The following NTRK2 variants were observed in gnomAD, a reference collection of about 807,000 sequenced individuals.
The protein encoded by NTRK2 is BDNF/NT-3 growth factors receptor.
In NTRK2, 13 loss-of-function variants were observed where a neutral mutation model predicts 94.5. That is an observed-to-expected ratio of 0.14 (90% confidence interval 0.09 to 0.22). NTRK2 has a LOEUF of 0.22. Ranked by LOEUF, NTRK2 falls within the 10% of genes least tolerant of loss-of-function variation. The pLI is 1.00. For synonymous variants in NTRK2, 372 were observed against 407.4 expected, an observed-to-expected ratio of 0.91 and a Z score of 1.05; for missense variants, 639 against 1,071.2, an observed-to-expected ratio of 0.60 and a Z score of 5.63.
intron 2 of NTRK2, among the ~76,000 whole-genome samples, chr9:84,683,343 C>T (rs1242011765): frequency 6.6e-6 from 1 of 151,996 alleles, no homozygotes; most frequent in Non-Finnish European, 1.5e-5. Context: ...CCTCCCCTTG[C>T]CCCCCAACCC....
In NTRK2 at chr9:84,742,824, G is replaced by A. The variant is rs145115037; in HGVS notation, c.1195+897G>A. Among the ~76,000 whole-genome samples, 1,026 of 104,410 alleles carry A rather than the reference G, an allele frequency of 9.8e-3. 22 individuals are homozygous for A. Among genetic ancestry groups the A allele is most frequent in the African/African-American group, 0.041 (955 of 23,504 alleles). 68.5% of individuals were successfully genotyped at this position (104,410 alleles called of 152,430 possible). A position where few individuals can be genotyped will look rare whatever the true frequency, so the allele number is the denominator to read the frequency against. On this transcript the variant is annotated intron_variant, in intron 10 of 18. Coordinates refer to ENST00000277120, the MANE Select transcript of NTRK2 (RefSeq NM_006180.6). Reference sequence around the variant, plus strand: ...TTTTTTTTTTTTTTTTTTCCGAGACGGAGTCTCACTTTGTTGCCCAGGCTG... The same window carrying A: ...TTTTTTTTTTTTTTTTTTCCGAGACAGAGTCTCACTTTGTTGCCCAGGCTG...
At chr9:84,805,935 G>C (rs2071059588) in intron 12 of NTRK2, among the ~76,000 whole-genome samples, 1 of 152,222 alleles carries the variant, frequency 6.6e-6, no homozygotes, top group African/African-American at 2.4e-5. Flanking sequence ...ACAAGATACA[G>C]CCCCTTGACC....
intron 12 of NTRK2, chr9:84,812,330 T>C (rs2071898868): frequency 9.4e-7 from 1 of 1,058,366 alleles, no homozygotes; most frequent in Non-Finnish European, 1.1e-6. Flanking sequence ...AGCATTTCAC[T>C]TGGCTACTTC....
intron 9 of NTRK2, among the ~76,000 whole-genome samples, chr9:84,728,779 C>T (rs2062638556): frequency 6.6e-6 from 1 of 152,212 alleles, no homozygotes; most frequent in Admixed American, 6.5e-5. Flanking sequence ...CATCAGGGGT[C>T]TACTCTGGGC....
At chr9:84,927,578 TC>T (rs1451087597) in intron 14 of NTRK2, among the ~76,000 whole-genome samples, 5 of 152,070 alleles carry the variant, frequency 3.3e-5, no homozygotes, top group African/African-American at 9.7e-5. Flanking sequence ...ACAGCTGAAC[TC>T]ATATGCTTTC....
At chr9:84,696,168 C>A (rs994862492) in intron 2 of NTRK2, among the ~76,000 whole-genome samples, 6 of 152,134 alleles carry the variant, frequency 3.9e-5, no homozygotes, top group African/African-American at 1.4e-4. Flanking sequence ...TGCCACCATG[C>A]CCAGCTAATT....
chr9:84,751,370 G>A (rs960319315), intron 11 of NTRK2, among the ~76,000 whole-genome samples: 8 of 152,060 alleles, frequency 5.3e-5, no homozygotes, highest in Admixed American at 1.3e-4. Context: ...CCTTGAGCCC[G>A]GGATTTCAAC....
intron 8 of NTRK2, among the ~76,000 whole-genome samples, chr9:84,726,645 G>C (rs1169927168): frequency 6.6e-6 from 1 of 152,170 alleles, no homozygotes; most frequent in Non-Finnish European, 1.5e-5. Flanking sequence ...TGAGAGGGAA[G>C]GGCCACTGTA....
At chr9:84,919,218 C>A (rs747871619) in intron 14 of NTRK2, among the ~76,000 whole-genome samples, 1 of 152,130 alleles carries the variant, frequency 6.6e-6, no homozygotes. Context: ...CACCTTAGAC[C>A]CTTTTGTGTC....
chr9:84,797,632 TATTATATATACTATA>T (rs1282256233), intron 12 of NTRK2, among the ~76,000 whole-genome samples: 3 of 72,172 alleles, frequency 4.2e-5, no homozygotes, highest in African/African-American at 6.0e-5. Context: ...ATATATTATA[TATTATATATACTATA>T]ATAATATATA....
chr9:84,729,175 T>C (rs772697159), intron 9 of NTRK2, among the ~76,000 whole-genome samples: 5 of 152,218 alleles, frequency 3.3e-5, no homozygotes, highest in Non-Finnish European at 7.3e-5. Context: ...ATGCAGTCCT[T>C]CTCATTACAT....
At chr9:84,864,906 A>C (rs12003660) in intron 13 of NTRK2, among the ~76,000 whole-genome samples, 1,767 of 151,654 alleles carry the variant, frequency 0.012, 35 homozygotes, top group African/African-American at 0.04. Flanking sequence ...ACACCTGGCT[A>C]ATTTTTGGAC....
At chr9:84,776,960 A>G (rs1564247739) in intron 12 of NTRK2, among the ~76,000 whole-genome samples, 1 of 152,218 alleles carries the variant, frequency 6.6e-6, no homozygotes, top group African/African-American at 2.4e-5. Flanking sequence ...CAGAAGTGCT[A>G]GAGAGAACTG....
At chr9:85,006,999 C>T (rs1282735168) in intron 17 of NTRK2, among the ~76,000 whole-genome samples, 1 of 152,212 alleles carries the variant, frequency 6.6e-6, no homozygotes, top group Non-Finnish European at 1.5e-5. Flanking sequence ...TGAGACCATT[C>T]CCTAGGGCAA....
chr9:84,769,618 A>C (rs1196039521), intron 12 of NTRK2, among the ~76,000 whole-genome samples: 1 of 152,210 alleles, frequency 6.6e-6, no homozygotes, highest in Non-Finnish European at 1.5e-5. Flanking sequence ...GAAAGAGCCA[A>C]GGACTTATTG....
Position 84,800,283 on chromosome 9 carries a change from A to G in NTRK2, c.1396+48198A>G, listed in dbSNP as rs117841349. On this transcript the variant is annotated intron_variant, in intron 12 of 18. Transcript: ENST00000277120. Reference sequence around the variant, plus strand: ...AATGGCATGATTTAGGCCCACTGCAACCTGTGCCTCCTGGGTTCAAGTGAT... The same window carrying G: ...AATGGCATGATTTAGGCCCACTGCAGCCTGTGCCTCCTGGGTTCAAGTGAT... 6.7e-3 allele frequency among the ~76,000 whole-genome samples: 1,027 copies of G among 152,218 alleles called. 5 individuals carry two copies. The highest frequency in any genetic ancestry group is 0.012 in the Non-Finnish European group (810 of 67,996).
At chr9:84,692,475 T>C (rs1470305773) in intron 2 of NTRK2, among the ~76,000 whole-genome samples, 30 of 131,544 alleles carry the variant, frequency 2.3e-4, no homozygotes, top group African/African-American at 7.6e-4. Flanking sequence ...TTTCTTTTTT[T>C]TTTTTTTTTT....
At chr9:84,962,626 A>G (rs559859026) in intron 17 of NTRK2, among the ~76,000 whole-genome samples, 1 of 152,122 alleles carries the variant, frequency 6.6e-6, no homozygotes, top group Non-Finnish European at 1.5e-5. Flanking sequence ...GACATTGCCC[A>G]TTGGCTTGGA....
At chr9:84,809,718 C>A (rs2071535713) in intron 12 of NTRK2, among the ~76,000 whole-genome samples, 1 of 151,290 alleles carries the variant, frequency 6.6e-6, no homozygotes, top group African/African-American at 2.4e-5. Flanking sequence ...CCTGCCGCTA[C>A]TAAAAATACA....
Sources: gnomAD v4.1 joint callset for allele counts (sites outside exome capture counted in the v4.1 genomes callset) on GRCh38, gnomAD v4.1.1 for gene constraint, MANE v1.5 for transcripts, NCBI Gene and HGNC (gene_info 2026-07-23, HGNC 2026-07-21) for gene names.